Variants in NT5C3B observed in about 807,000 individuals in gnomAD.
NT5C3B encodes 7-methylguanosine phosphate-specific 5'-nucleotidase.
A neutral mutation model predicts 32.5 loss-of-function variants in NT5C3B; 28 were observed. The observed-to-expected ratio is 0.86, with a 90% CI of 0.64 to 1.18. NT5C3B has a LOEUF of 1.18. NT5C3B is among the 50% of genes most tolerant of loss of function. NT5C3B has a pLI of 0.00. For missense variants in NT5C3B, 317 were observed against 322.0 expected (o/e 0.98, Z 0.12); for synonymous variants, 138 against 118.0 (o/e 1.17, Z -1.10).
chr17:41,835,615 A>ATATC (rs3039772), intron 2 of NT5C3B: 535,799 of 697,770 alleles, frequency 0.77, 206,959 homozygotes, highest in Admixed American at 0.86. Context: ...GGGGAGGATA[A>ATATC]GGCCCTAGGT....
chr17:41,829,655 C>G (rs1194368851), intron 6 of NT5C3B, among the ~76,000 whole-genome samples: 1 of 152,158 alleles, frequency 6.6e-6, no homozygotes, highest in Non-Finnish European at 1.5e-5. Context: ...ATGAGTTTAT[C>G]CTTTGTCACT....
At chr17:41,827,695 C>T (rs562263972) in intron 7 of NT5C3B, 69 bp from the exon 8 acceptor site, 3 of 747,096 alleles carry the variant, frequency 4.0e-6, no homozygotes, top group African/African-American at 3.5e-5. Context: ...TCTCCACTGT[C>T]TCTGTCACAG....
chr17:41,830,462 T>C (rs573009403), intron 6 of NT5C3B, among the ~76,000 whole-genome samples: 1 of 152,220 alleles, frequency 6.6e-6, no homozygotes, highest in African/African-American at 2.4e-5. Flanking sequence ...TGAGCTGAGA[T>C]TGCGCCACTG....
rs1451767317 is a variant in NT5C3B at position 41,836,224 on chromosome 17, GACA to G, written c.-34_-32del. 5.0e-5 allele frequency: 61 copies of G among 1,225,752 alleles called. No homozygotes were observed. Among genetic ancestry groups the G allele is most frequent in the African/African-American group, 1.1e-4 (7 of 63,358 alleles). The allele number at this position is 1,225,752 out of a possible 1,614,324, so 75.9% of individuals were successfully genotyped here. A position where few individuals can be genotyped will look rare whatever the true frequency, so the allele number is the denominator to read the frequency against. On this transcript the variant is annotated 5_prime_UTR_variant, in exon 1 of 9. Coordinates refer to ENST00000435506, the MANE Select transcript of NT5C3B (RefSeq NM_052935.5). ...TCGAGGCCTGGTCGGCGGCTCGCGG[GACA>G]ACGACAGCCCCGCGACCGCACTGCG... is the stretch of plus-strand genomic sequence containing the variant.
intron 2 of NT5C3B, 100 bp from the exon 3 acceptor site, chr17:41,835,372 T>G (rs1025036098): frequency 3.8e-5 from 38 of 994,124 alleles, no homozygotes; most frequent in Non-Finnish European, 5.7e-5. Context: ...TACAGCTCAG[T>G]GGCCAGGATG....
intron 7 of NT5C3B, 58 bp from the exon 8 acceptor site, chr17:41,827,684 C>T (rs2047990693): frequency 1.3e-6 from 1 of 772,966 alleles, no homozygotes; most frequent in Admixed American, 1.8e-5. Context: ...GTGGCACCAG[C>T]TCTCCACTGT....
At chr17:41,835,311 AGAAT>A in intron 2 of NT5C3B, 39 bp from the exon 3 acceptor site, 1 of 1,560,334 alleles carries the variant, frequency 6.4e-7, no homozygotes, top group Non-Finnish European at 8.8e-7. Flanking sequence ...AATAGGCACC[AGAAT>A]TCTAGTGTGG....
intron 8 of NT5C3B, among the ~76,000 whole-genome samples, chr17:41,826,876 T>C (rs2047973855): frequency 6.6e-6 from 1 of 151,232 alleles, no homozygotes; most frequent in Non-Finnish European, 1.5e-5. Context: ...GGCACATGCC[T>C]GTAGTCCCAG....
chr17:41,831,460 CA>C (rs782452220), intron 5 of NT5C3B, among the ~76,000 whole-genome samples: 1 of 152,076 alleles, frequency 6.6e-6, no homozygotes, highest in Non-Finnish European at 1.5e-5. Flanking sequence ...GGGCTCTGTC[CA>C]GTGATGATGA....
chr17:41,826,729 G>A (rs1172299876), intron 8 of NT5C3B, among the ~76,000 whole-genome samples: 1 of 151,826 alleles, frequency 6.6e-6, no homozygotes, highest in East Asian at 1.9e-4. Context: ...GGCTGGGCGT[G>A]GTGGATCATG....
chr17:41,833,894 C>G (rs916557263), intron 4 of NT5C3B, among the ~76,000 whole-genome samples: 1 of 152,004 alleles, frequency 6.6e-6, no homozygotes, highest in African/African-American at 2.4e-5. Flanking sequence ...AGAGCCAGTC[C>G]GTAACAGTGC....
In NT5C3B at chr17:41,826,168, A is replaced by AAC. The variant is rs2047958544; in HGVS notation, c.769-512_769-511insGT. Reference sequence around the variant, plus strand: ...GAGGCCCTGTCTCAAAAAAAAAAAAAAAAAAAAAAAAACAGATGTTGCCTC... The same window carrying AAC: ...GAGGCCCTGTCTCAAAAAAAAAAAAAACAAAAAAAAAAAACAGATGTTGCCTC... On this transcript the variant is annotated intron_variant, in intron 8 of 8. Coordinates refer to ENST00000435506, the MANE Select transcript of NT5C3B (RefSeq NM_052935.5). Among the ~76,000 whole-genome samples, 7 of 144,164 alleles carry AAC rather than the reference A, an allele frequency of 4.9e-5. No homozygotes were observed. The South Asian group carries it at 1.5e-3, about 32-fold the overall frequency. The allele number at this position is 144,164 out of a possible 152,430, so 94.6% of individuals were successfully genotyped here. A position where few individuals can be genotyped will look rare whatever the true frequency, so the allele number is the denominator to read the frequency against.
intron 2 of NT5C3B, chr17:41,835,654 G>C (rs2048137936): frequency 1.4e-6 from 1 of 709,686 alleles, no homozygotes; most frequent in Non-Finnish European, 2.5e-6. Context: ...TGTCCAATTA[G>C]AGGAAGCAGC....
chr17:41,833,081 C>A (rs1226974519), intron 4 of NT5C3B, among the ~76,000 whole-genome samples: 1 of 152,080 alleles, frequency 6.6e-6, no homozygotes, highest in Admixed American at 6.5e-5. Flanking sequence ...TTTGTACTCA[C>A]CCTGAGAGTG....
At chr17:41,835,754 A>T in intron 2 of NT5C3B, 105 bp downstream of exon 2, 1 of 1,158,426 alleles carries the variant, frequency 8.6e-7, no homozygotes, top group Non-Finnish European at 1.3e-6. Context: ...CTTGGGGCAG[A>T]GAGCTAGGAG....
chr17:41,830,238 C>T (rs891381186), intron 6 of NT5C3B, among the ~76,000 whole-genome samples: 2 of 152,162 alleles, frequency 1.3e-5, no homozygotes, highest in East Asian at 1.9e-4. Flanking sequence ...TGGCCGGGCG[C>T]GGTGGCTCGC....
In NT5C3B at chr17:41,830,784, C is replaced by T. The variant is rs781900391; in HGVS notation, c.404+17G>A. 3.0e-5 allele frequency: 46 copies of T among 1,546,126 alleles called. No homozygotes were observed. The highest frequency in any genetic ancestry group is 1.7e-5 in the Admixed American group (1 of 59,866). On this transcript the variant is annotated intron_variant, in intron 6 of 8. Transcript: ENST00000435506. ...TAAATAGTCTGATAGAAATGTTTTCCAGAGCAAGACGCTTACCTGAGCATT... is the reference window on the plus strand; with the variant it reads ...TAAATAGTCTGATAGAAATGTTTTCTAGAGCAAGACGCTTACCTGAGCATT...
rs532798148 is a variant in NT5C3B, at chr17:41,832,424, G to C, written c.282C>G (p.Thr94=). 6.2e-7 allele frequency: 1 copy of C among 1,613,764 alleles called. No homozygotes were observed. The stretch of plus-strand genomic sequence containing the variant: ...CCATATGAGGTAGCTTCTCCTTGAC[G>C]GTCCGGTGTGGGTCGATCTCAATTG... ...YYPIEIDPHR[T]VKEKLPHMVE... Residue 94 remains threonine, a synonymous_variant, in exon 5 of 9, where the codon ACC becomes ACG. Coordinates refer to ENST00000435506, the MANE Select transcript of NT5C3B (RefSeq NM_052935.5).
rs782177715 is a variant in NT5C3B, at chr17:41,827,506, C to T, written c.688G>A (p.Asp230Asn). Residue 230 changes from aspartate to asparagine, a missense_variant, in exon 8 of 9, where the codon GAC becomes AAC. By Grantham distance (23) the Asp-to-Asn change is conservative. Transcript: ENST00000435506. Reference protein sequence around the residue: ...EGKTNVILLGDSIGDLTMADG... With the variant: ...EGKTNVILLGNSIGDLTMADG... ...GCCATGGTGAGGTCCCCGATAGAGTCTCCCAGCAGGATGACATTGGTTTTG... is the reference window on the plus strand; with the variant it reads ...GCCATGGTGAGGTCCCCGATAGAGTTTCCCAGCAGGATGACATTGGTTTTG... The T allele has an allele frequency of 2.3e-6, 2 of 873,008 alleles. No individual in the cohort carries two copies. The highest frequency in any genetic ancestry group is 3.4e-5 in the Admixed American group (2 of 59,184). 54.1% of individuals were successfully genotyped at this position (873,008 alleles called of 1,614,324 possible).
Sources: allele counts gnomAD v4.1 joint callset (sites outside exome capture counted in the v4.1 genomes callset), GRCh38; gene constraint gnomAD v4.1.1; transcripts MANE v1.5; gene names NCBI Gene and HGNC (gene_info 2026-07-23, HGNC 2026-07-21).